Variants in TAS1R1 observed in about 807,000 individuals in gnomAD.
TAS1R1 encodes taste 1 receptor member 1, also known as taste receptor type 1 member 1.
In TAS1R1, 31 loss-of-function variants were observed where a neutral mutation model predicts 45.8. That is an observed-to-expected ratio of 0.68 (90% confidence interval 0.51 to 0.91). The LOEUF (loss-of-function observed/expected upper bound fraction) is 0.91. Ranked by LOEUF, TAS1R1 falls within the 40% of genes least tolerant of loss-of-function variation. TAS1R1 has a pLI of 0.00. For synonymous variants in TAS1R1, 437 were observed against 448.4 expected, an observed-to-expected ratio of 0.97 and a Z score of 0.32; for missense variants, 1,051 against 1,063.9, an observed-to-expected ratio of 0.99 and a Z score of 0.17.
chr1:6,566,287 T>G (rs1286049195), intron 1 of TAS1R1, among the ~76,000 whole-genome samples: 2 of 152,028 alleles, frequency 1.3e-5, no homozygotes, highest in Non-Finnish European at 2.9e-5. Context: ...GTTTTGGGAA[T>G]CAGGATGTAG....
rs1182604914 is a variant in TAS1R1 at position 6,575,370 on chromosome 1, G to A, written c.1238G>A (p.Arg413Lys). 1 of 1,582,476 alleles carries A rather than the reference G, an allele frequency of 6.3e-7. No homozygotes were observed. Among genetic ancestry groups the A allele is most frequent in the East Asian group, 2.2e-5 (1 of 44,486 alleles). Reference protein sequence around the residue: ...LLGCASGACSRGRVYPWQLLE... With the variant: ...LLGCASGACSKGRVYPWQLLE... ...GGCTGTGCCTCTGGAGCTTGTTCCA[G>A]GGGCCGAGTCTACCCCTGGCAGGTA... Residue 413 changes from arginine to lysine, a missense_variant, in exon 3 of 6, where the codon AGG becomes AAG. By Grantham distance (26) the Arg-to-Lys change is conservative. Coordinates refer to ENST00000333172, the MANE Select transcript of TAS1R1 (RefSeq NM_138697.4).
intron 1 of TAS1R1, among the ~76,000 whole-genome samples, chr1:6,556,269 TGGGAA>T (rs1639682477): frequency 6.6e-6 from 1 of 152,098 alleles, no homozygotes; most frequent in Admixed American, 6.6e-5. Flanking sequence ...CTTCATGGGG[TGGGAA>T]GGGAAGACAC....
At chr1:6,566,510 A>G (rs1639874393) in intron 1 of TAS1R1, among the ~76,000 whole-genome samples, 1 of 152,254 alleles carries the variant, frequency 6.6e-6, no homozygotes, top group African/African-American at 2.4e-5. Context: ...GTGTTGGTCA[A>G]AGAAGACCAC....
rs776518716 is a variant in TAS1R1 at position 6,579,214 on chromosome 1, A to G, written c.2156A>G (p.Glu719Gly). The change falls in exon 6 of 6, where the codon GAG becomes GGG. Residue 719 changes from glutamate to glycine, a missense_variant. Coordinates refer to ENST00000333172, the MANE Select transcript of TAS1R1 (RefSeq NM_138697.4). The part of the protein sequence containing the change: ...YQRFPHLVML[E>G]CTETNSLGFI... The stretch of plus-strand genomic sequence containing the variant: ...CGCTTCCCCCATCTGGTGATGCTTG[A>G]GTGCACAGAGACCAACTCCCTGGGC... The G allele has an allele frequency of 1.9e-6, 3 of 1,614,152 alleles. No homozygotes were observed. The East Asian group carries it at 6.7e-5, about 36-fold the overall frequency.
intron 1 of TAS1R1, among the ~76,000 whole-genome samples, chr1:6,570,099 C>T (rs1639973415): frequency 6.6e-6 from 1 of 151,940 alleles, no homozygotes; most frequent in East Asian, 1.9e-4. Context: ...TCCTGGGTTT[C>T]AGCACCAAAA....
intron 1 of TAS1R1, among the ~76,000 whole-genome samples, chr1:6,559,873 C>T (rs901013866): frequency 6.6e-6 from 1 of 151,506 alleles, no homozygotes; most frequent in Non-Finnish European, 1.5e-5. Flanking sequence ...CCCTGCAATC[C>T]CAGGTACTCT....
At chr1:6,576,726 C>A in intron 4 of TAS1R1, 99 bp downstream of exon 4, 1 of 1,455,114 alleles carries the variant, frequency 6.9e-7, no homozygotes, top group Non-Finnish European at 9.4e-7. Context: ...GAGGGGGGCC[C>A]CAGGGGTCCA....
chr1:6,559,391 C>T (rs1328942508), intron 1 of TAS1R1, among the ~76,000 whole-genome samples: 2 of 151,994 alleles, frequency 1.3e-5, no homozygotes, highest in Admixed American at 6.6e-5. Flanking sequence ...GGCATAGTGA[C>T]TCACGCCTGT....
chr1:6,556,185 C>G (rs886735959), intron 1 of TAS1R1, among the ~76,000 whole-genome samples: 1 of 151,938 alleles, frequency 6.6e-6, no homozygotes, highest in African/African-American at 2.4e-5. Flanking sequence ...TTTCCCTCTT[C>G]TATCTTCTCT....
chr1:6,563,035 G>A (rs1639815780), intron 1 of TAS1R1, among the ~76,000 whole-genome samples: 1 of 152,134 alleles, frequency 6.6e-6, no homozygotes, highest in African/African-American at 2.4e-5. Context: ...ATTGAAAGAG[G>A]GTATAAGGAG....
At position 6,579,059 on chromosome 1, in the gene TAS1R1, T is replaced by C. The variant is rs1461867676; in HGVS notation, c.2001T>C (p.Pro667=). ...TCTTCAAGTTTTCCACCAAGGTACC[T>C]ACATTCTACCACGCCTGGGTCCAAA... ...IIIFKFSTKV[P]TFYHAWVQNH... The change falls in exon 6 of 6, where the codon CCT becomes CCC. Residue 667 remains proline (P), a synonymous_variant. Coordinates refer to ENST00000333172, the MANE Select transcript of TAS1R1 (RefSeq NM_138697.4). 2.5e-6 allele frequency: 4 copies of C among 1,613,338 alleles called. No individual in the cohort carries two copies. Among genetic ancestry groups the C allele is most frequent in the Non-Finnish European group, 3.4e-6 (4 of 1,179,316 alleles).
Position 6,579,142 on chromosome 1 carries a change from T to C in TAS1R1, c.2084T>C (p.Leu695Pro), listed in dbSNP as rs1355532405. The part of the protein sequence containing the change: ...ISSAAQLLIC[L>P]TWLVVWTPLP... ...TCAGCGGCCCAGCTGCTTATCTGTC[T>C]AACTTGGCTGGTGGTGTGGACCCCA... Residue 695 changes from leucine (L) to proline (P), a missense_variant, in exon 6 of 6, where the codon CTA becomes CCA. Leu to Pro is a moderately conservative substitution (Grantham distance 98). Coordinates refer to ENST00000333172, the MANE Select transcript of TAS1R1 (RefSeq NM_138697.4). 1 of 1,614,094 alleles carries C rather than the reference T, an allele frequency of 6.2e-7. No homozygotes were observed. The highest frequency in any genetic ancestry group is 8.5e-7 in the Non-Finnish European group (1 of 1,180,050).
At chr1:6,577,467 G>A (rs1439761198) in intron 5 of TAS1R1, among the ~76,000 whole-genome samples, 8 of 151,606 alleles carry the variant, frequency 5.3e-5, no homozygotes, top group South Asian at 2.1e-4. Context: ...CCCAGGAGGC[G>A]GAGGTTGCAG....
chr1:6,559,625 C>T (rs939436141), intron 1 of TAS1R1, among the ~76,000 whole-genome samples: 2 of 150,574 alleles, frequency 1.3e-5, no homozygotes, highest in African/African-American at 2.5e-5. Context: ...CACCATTGCA[C>T]TCCAGCCTGG....
rs151337776 is a variant in TAS1R1, at chr1:6,573,272, C to T, written c.499-1359C>T. ...AGGAGTTGGAAACCAGCCTGGCCAA[C>T]GTGGTGAAACCCTGTCTCTGCTAAA... On this transcript the variant is annotated intron_variant, in intron 2 of 5. Coordinates refer to ENST00000333172, the MANE Select transcript of TAS1R1 (RefSeq NM_138697.4). 9.1e-3 allele frequency among the ~76,000 whole-genome samples: 1,387 copies of T among 152,276 alleles called. 17 individuals carry two copies. The highest frequency in any genetic ancestry group is 0.036 in the East Asian group (188 of 5,182).
chr1:6,574,660 C>T lies in TAS1R1; in HGVS notation c.528C>T (p.Leu176=), dbSNP rs1640109412. ...GCTATGCGGCCAGCAGCGAGACGCT[C>T]AGCGTGAAGCGGCAGTATCCCTCTT... ...MISYAASSET[L]SVKRQYPSFL... The change falls in exon 3 of 6, where the codon CTC becomes CTT. Residue 176 remains leucine, a synonymous_variant. Transcript: ENST00000333172. The surrounding 1 kb of genome is among the most constrained non-coding windows in gnomAD (Gnocchi z 4.3). 1 of 1,610,910 alleles carries T rather than the reference C, an allele frequency of 6.2e-7. No individual in the cohort carries two copies. Among genetic ancestry groups the T allele is most frequent in the Non-Finnish European group, 8.5e-7 (1 of 1,177,836 alleles).
At position 6,570,900 on chromosome 1, in the gene TAS1R1, T is replaced by C. The variant is rs1274204876; in HGVS notation, c.192-9T>C. ...CTTCTCAGCTGTCTCTTACTGGCTT[T>C]CTCCACAGGTCTTGTAGCTTCAATG... is the stretch of plus-strand genomic sequence containing the variant. On this transcript the variant is annotated splice_polypyrimidine_tract_variant and intron_variant, in intron 1 of 5. Transcript: ENST00000333172. 6 of 1,583,360 alleles carry C rather than the reference T, an allele frequency of 3.8e-6. No homozygotes were observed. The African/African-American group carries it at 6.7e-5, about 18-fold the overall frequency.
intron 1 of TAS1R1, among the ~76,000 whole-genome samples, chr1:6,568,984 C>G (rs937317200): frequency 6.6e-6 from 1 of 152,120 alleles, no homozygotes; most frequent in Non-Finnish European, 1.5e-5. Flanking sequence ...TGGACACGGA[C>G]GATCTCCTCA....
chr1:6,577,106 C>CT, intron 5 of TAS1R1, 36 bp downstream of exon 5: 1 of 1,613,400 alleles, frequency 6.2e-7, no homozygotes, highest in Non-Finnish European at 8.5e-7. Context: ...CTACCCAGCA[C>CT]TCCCGGGGGC....
Sources: allele counts gnomAD v4.1 joint callset (sites outside exome capture counted in the v4.1 genomes callset), GRCh38; gene constraint gnomAD v4.1.1; non-coding constraint Gnocchi (gnomAD v3.1); transcripts MANE v1.5; gene names NCBI Gene and HGNC (gene_info 2026-07-23, HGNC 2026-07-21).